DENND1A: variants seen among roughly 807,000 people sequenced by gnomAD.
The protein encoded by DENND1A is DENN domain-containing protein 1A.
A neutral mutation model predicts 113.7 loss-of-function variants in DENND1A; 51 were observed. That is an observed-to-expected ratio of 0.45 (90% CI 0.36 to 0.57). The LOEUF (loss-of-function observed/expected upper bound fraction) is 0.57. DENND1A is among the 20% of genes least tolerant of loss of function. DENND1A has a pLI of 0.00. For synonymous variants in DENND1A, 565 were observed against 570.8 expected (o/e 0.99, Z 0.14); for missense variants, 1,258 against 1,395.9 (o/e 0.90, Z 1.57).
Position 123,382,034 on chromosome 9 carries a change from G to T in DENND1A, c.2611C>A (p.Pro871Thr). 1 of 1,491,700 alleles carries T rather than the reference G, an allele frequency of 6.7e-7. No homozygotes were observed. Among genetic ancestry groups the T allele is most frequent in the East Asian group, 2.3e-5 (1 of 42,814 alleles). 92.4% of individuals were successfully genotyped at this position (1,491,700 alleles called of 1,614,324 possible). The change falls in exon 24 of 24, where the codon CCA becomes ACA. Residue 871 changes from proline (P) to threonine (T), a missense_variant. By Grantham distance (38) the Pro-to-Thr change is conservative (BLOSUM62 -1). This residue lies in a region of DENND1A where 1,159 missense variants were observed against 1,231.7 expected (regional missense o/e 0.94). Transcript: ENST00000394215. ...SRPATPNVAT[P>T]FTPQFSFPPA... is the part of the protein sequence containing the mutation. Reference sequence around the variant, plus strand: ...GGGAAGCTGAATTGGGGGGTGAATGGGGTGGCTACATTCGGGGTGGCGGGG... The same window carrying T: ...GGGAAGCTGAATTGGGGGGTGAATGTGGTGGCTACATTCGGGGTGGCGGGG...
chr9:123,387,785 C>T lies in DENND1A; in HGVS notation c.1705G>A (p.Glu569Lys). 2 of 1,289,782 alleles carry T rather than the reference C, an allele frequency of 1.6e-6. No individual in the cohort carries two copies. The highest frequency in any genetic ancestry group is 2.0e-6 in the Non-Finnish European group (2 of 988,878). 79.9% of individuals were successfully genotyped at this position (1,289,782 alleles called of 1,614,324 possible). ...TCGGTGAAGCCAGAGCTCGGGCCCT[C>T]TTCCCGCTGGCATTCATCATCAGAG... is the stretch of plus-strand genomic sequence containing the variant. ...DSSDDECQREEGPSSGFTESF... is the reference protein window; with the variant it reads ...DSSDDECQREKGPSSGFTESF... The change falls in exon 22 of 24, where the codon GAG (glutamate) becomes AAG (lysine). Residue 569 changes from glutamate (E) to lysine (K), a missense_variant. This residue lies in a region of DENND1A where 1,159 missense variants were observed against 1,231.7 expected (regional missense o/e 0.94). Coordinates refer to ENST00000394215, the MANE Select transcript of DENND1A (RefSeq NM_001352964.2).
intron 3 of DENND1A, among the ~76,000 whole-genome samples, chr9:123,788,339 G>T (rs1057421601): frequency 2.3e-4 from 35 of 151,960 alleles, no homozygotes; most frequent in Admixed American, 2.0e-4. Flanking sequence ...ATTAATAAAG[G>T]CTCATGTTTT....
chr9:123,399,087 C>T (rs955189624), intron 21 of DENND1A, among the ~76,000 whole-genome samples: 6 of 152,116 alleles, frequency 3.9e-5, no homozygotes, highest in African/African-American at 7.2e-5. Flanking sequence ...TGAGCCACCG[C>T]GCCCGGCCGT....
intron 9 of DENND1A, among the ~76,000 whole-genome samples, chr9:123,646,882 G>A (rs565482694): frequency 6.6e-6 from 1 of 152,106 alleles, no homozygotes; most frequent in Non-Finnish European, 1.5e-5. Context: ...CAAAGGGAAT[G>A]CAGAGTCCAG....
intron 2 of DENND1A, among the ~76,000 whole-genome samples, chr9:123,822,314 T>C (rs896920358): frequency 1.2e-4 from 19 of 152,192 alleles, no homozygotes; most frequent in African/African-American, 3.4e-4. Context: ...ATGAGACAGG[T>C]GTCCCAACAC....
chr9:123,781,274 C>T (rs1831272448), intron 3 of DENND1A, among the ~76,000 whole-genome samples: 1 of 152,144 alleles, frequency 6.6e-6, no homozygotes, highest in Non-Finnish European at 1.5e-5. Context: ...TCACAGTGCT[C>T]CCTTTCAGTC....
chr9:123,819,232 C>T (rs1564334717), intron 2 of DENND1A, among the ~76,000 whole-genome samples: 2 of 152,164 alleles, frequency 1.3e-5, no homozygotes, highest in Non-Finnish European at 2.9e-5. Context: ...TAACATTACA[C>T]ACCATACAAA....
chr9:123,675,332 G>T (rs928446086), intron 6 of DENND1A, among the ~76,000 whole-genome samples: 4 of 152,078 alleles, frequency 2.6e-5, no homozygotes, highest in Non-Finnish European at 5.9e-5. Flanking sequence ...AGGGGTTTGG[G>T]GCAAAACAAG....
chr9:123,511,361 T>C (rs2134559856), intron 13 of DENND1A, among the ~76,000 whole-genome samples: 1 of 152,322 alleles, frequency 6.6e-6, no homozygotes, highest in East Asian at 1.9e-4. Flanking sequence ...CTAGGTGCCA[T>C]GTCAGGCACA....
intron 8 of DENND1A, among the ~76,000 whole-genome samples, chr9:123,652,782 T>A (rs1018378971): frequency 2.6e-5 from 4 of 152,182 alleles, no homozygotes; most frequent in African/African-American, 9.6e-5. Context: ...GAAAAAAAAT[T>A]GAAGACAAAC....
At chr9:123,496,686 C>T (rs2051947763) in intron 13 of DENND1A, among the ~76,000 whole-genome samples, 2 of 152,198 alleles carry the variant, frequency 1.3e-5, no homozygotes, top group Non-Finnish European at 2.9e-5. Context: ...TCCTGTGAAT[C>T]GGACCCACTT....
chr9:123,798,186 T>C lies in DENND1A; in HGVS notation c.89-5556A>G, dbSNP rs1017481135. 14 of 152,216 alleles carry C rather than the reference T, an allele frequency of 9.2e-5. No individual in the cohort carries two copies. In the East Asian group the frequency reaches 1.5e-3, roughly 17 times the overall value. The allele number at this position is 152,216 out of a possible 1,614,324, so 9.4% of individuals were successfully genotyped here. On this transcript the variant is annotated intron_variant, in intron 2 of 23. Transcript: ENST00000394215. ...TTTCACAGCAGCCAGCCTGATAACA[T>C]AGGAACAGTTAACCATCAACACCCA...
At chr9:123,626,772 G>A (rs2061238072) in intron 10 of DENND1A, among the ~76,000 whole-genome samples, 1 of 152,174 alleles carries the variant, frequency 6.6e-6, no homozygotes, top group Admixed American at 6.5e-5. Context: ...GAGGAATGGG[G>A]CACCTAAGCA....
At chr9:123,401,446 C>A in intron 21 of DENND1A, 1 of 1,078,102 alleles carries the variant, frequency 9.3e-7, no homozygotes, top group Non-Finnish European at 1.1e-6. Context: ...CCTCGTTAAA[C>A]AAACGTGAAC....
At chr9:123,773,487 A>T (rs1186362976) in intron 3 of DENND1A, among the ~76,000 whole-genome samples, 2 of 152,184 alleles carry the variant, frequency 1.3e-5, no homozygotes. Context: ...TTTTAAATGT[A>T]TAATATTATC....
intron 2 of DENND1A, among the ~76,000 whole-genome samples, chr9:123,818,563 CACACAT>C (rs757503073): frequency 0.2 from 11,042 of 56,340 alleles, 354 homozygotes; most frequent in Non-Finnish European, 0.28. Flanking sequence ...CACACACACA[CACACAT>C]ATATATATAT....
chr9:123,507,373 T>C (rs2053047912), intron 13 of DENND1A, among the ~76,000 whole-genome samples: 1 of 152,242 alleles, frequency 6.6e-6, no homozygotes. Flanking sequence ...TCTGATGTAG[T>C]AAATGATCTG....
At chr9:123,843,192 G>C (rs1028469184) in intron 2 of DENND1A, 1 of 548,866 alleles carries the variant, frequency 1.8e-6, no homozygotes, top group African/African-American at 1.9e-5. Context: ...TTTTGTAGCT[G>C]CTGTCAATCT....
At chr9:123,856,019 A>G (rs1844133318) in intron 2 of DENND1A, among the ~76,000 whole-genome samples, 1 of 152,180 alleles carries the variant, frequency 6.6e-6, no homozygotes, top group East Asian at 1.9e-4. Flanking sequence ...CCTGGGCAAC[A>G]AGAGCAAAAC....
Sources: gnomAD v4.1 joint callset for allele counts (sites outside exome capture counted in the v4.1 genomes callset) on GRCh38, gnomAD v4.1.1 for gene constraint, gnomAD v4.1.1 regional missense constraint, MANE v1.5 for transcripts, NCBI Gene and HGNC (gene_info 2026-07-23, HGNC 2026-07-21) for gene names.